GALNT13: variants seen among roughly 807,000 people sequenced by gnomAD.
The protein encoded by GALNT13 is UDP-GalNAc:polypeptide N-acetylgalactosaminyltransferase 13.
In GALNT13, 28 loss-of-function variants were observed where a neutral mutation model predicts 64.2. The ratio of observed to expected loss-of-function variants is 0.44; its 90% CI spans 0.32 to 0.60. The LOEUF (loss-of-function observed/expected upper bound fraction) is 0.60. Ranked by LOEUF, GALNT13 falls within the 20% of genes least tolerant of loss-of-function variation. The pLI is 0.05. For missense variants in GALNT13, 577 were observed against 669.8 expected, an observed-to-expected ratio of 0.86 and a Z score of 1.53; for synonymous variants, 214 against 224.6, an observed-to-expected ratio of 0.95 and a Z score of 0.42.
At chr2:154,062,560 A>G (rs1700243053) in intron 3 of GALNT13, among the ~76,000 whole-genome samples, 1 of 152,096 alleles carries the variant, frequency 6.6e-6, no homozygotes, top group Admixed American at 6.6e-5. Flanking sequence ...AATACCTCTC[A>G]CCATGCAGGA....
At chr2:154,003,399 G>T (rs1474621430) in intron 3 of GALNT13, among the ~76,000 whole-genome samples, 1 of 152,146 alleles carries the variant, frequency 6.6e-6, no homozygotes, top group Non-Finnish European at 1.5e-5. Flanking sequence ...GCGTTTACCA[G>T]CTGTGGCTTC....
At chr2:154,269,406 A>T (rs181161442) in intron 8 of GALNT13, among the ~76,000 whole-genome samples, 9 of 151,232 alleles carry the variant, frequency 6.0e-5, no homozygotes, top group African/African-American at 2.2e-4. Flanking sequence ...AAAGTAGGTT[A>T]TTTGTCAGTG....
At chr2:153,322,483 A>G in the GALNT13 span, among the ~76,000 whole-genome samples, 1 of 151,972 alleles carries the variant, frequency 6.6e-6, no homozygotes, top group Admixed American at 6.6e-5. Flanking sequence ...ATGTGAGTAC[A>G]TGTTTCTTAT....
At chr2:153,327,441 G>C in the GALNT13 span, among the ~76,000 whole-genome samples, 1 of 152,078 alleles carries the variant, frequency 6.6e-6, no homozygotes, top group Non-Finnish European at 1.5e-5. Context: ...GTGAAACGTA[G>C]GTTTGGTCTT....
chr2:153,123,648 T>C, the GALNT13 span, among the ~76,000 whole-genome samples: 1 of 152,222 alleles, frequency 6.6e-6, no homozygotes, highest in Non-Finnish European at 1.5e-5. Context: ...GGAAGCAAGC[T>C]AACTACATAG....
At chr2:154,019,684 ATTTTTTGTT>A (rs1308174111) in intron 3 of GALNT13, among the ~76,000 whole-genome samples, 11 of 117,986 alleles carry the variant, frequency 9.3e-5, no homozygotes, top group Admixed American at 1.5e-4. Context: ...TGTTTAAATG[ATTTTTTGTT>A]TTTTTTGTTT....
At chr2:154,315,372 C>T (rs1694264637) in intron 9 of GALNT13, among the ~76,000 whole-genome samples, 1 of 152,094 alleles carries the variant, frequency 6.6e-6, no homozygotes, top group Admixed American at 6.6e-5. Flanking sequence ...TGGATCCAAG[C>T]TGGGATGAAA....
chr2:153,368,379 C>T, the GALNT13 span, among the ~76,000 whole-genome samples: 1 of 152,080 alleles, frequency 6.6e-6, no homozygotes, highest in Non-Finnish European at 1.5e-5. Flanking sequence ...GAGCCCTCAC[C>T]AGAACCCAAC....
intron 9 of GALNT13, among the ~76,000 whole-genome samples, chr2:154,377,811 C>T (rs1286839730): frequency 1.3e-5 from 2 of 151,936 alleles, no homozygotes; most frequent in Non-Finnish European, 2.9e-5. Context: ...ATGATAGTAG[C>T]TGAGGAAATT....
the GALNT13 span, among the ~76,000 whole-genome samples, chr2:153,184,726 C>A: frequency 1.3e-5 from 2 of 152,058 alleles, no homozygotes; most frequent in Admixed American, 6.6e-5. Context: ...TTGAGATAAT[C>A]ATGTGGTTTT....
At chr2:154,354,939 T>TCA (rs34183808) in intron 9 of GALNT13, among the ~76,000 whole-genome samples, 3 of 152,096 alleles carry the variant, frequency 2.0e-5, no homozygotes, top group East Asian at 3.9e-4. Flanking sequence ...TCTCTGACAC[T>TCA]AACTTTCTAC....
At chr2:154,455,274 G>A (rs1702016962), downstream of GALNT13, among the ~76,000 whole-genome samples, 1 of 152,114 alleles carries the variant, frequency 6.6e-6, no homozygotes, top group Non-Finnish European at 1.5e-5. Flanking sequence ...GATCGTATCT[G>A]CTCACAACCA....
the GALNT13 span, among the ~76,000 whole-genome samples, chr2:153,719,537 C>A: frequency 1.0e-3 from 152 of 152,290 alleles, 2 homozygotes; most frequent in Non-Finnish European, 3.7e-4. Flanking sequence ...TTCTGCATTT[C>A]CATCTGAGGT....
the GALNT13 span, among the ~76,000 whole-genome samples, chr2:153,247,907 A>G: frequency 1.3e-5 from 2 of 152,214 alleles, no homozygotes; most frequent in Non-Finnish European, 2.9e-5. Flanking sequence ...AGAAATACAA[A>G]CTACCATCAG....
rs2105403707 is a variant in GALNT13 at position 154,077,030 on chromosome 2, G to A, written c.143-63307G>A. On this transcript the variant is annotated intron_variant, in intron 3 of 12. Coordinates refer to ENST00000392825, the MANE Select transcript of GALNT13 (RefSeq NM_052917.4). ...TTTGAAGTAACAAATATTTCTAAAGGAGGCCAAATAATAGTTGTAAAGTTT... is the reference window on the plus strand; with the variant it reads ...TTTGAAGTAACAAATATTTCTAAAGAAGGCCAAATAATAGTTGTAAAGTTT... Among the ~76,000 whole-genome samples the A allele has an allele frequency of 1.3e-5, 2 of 151,690 alleles. 1 individual carries two copies. The highest frequency in any genetic ancestry group is 4.2e-4 in the South Asian group (2 of 4,814).
At chr2:154,178,006 G>A (rs991146224) in intron 4 of GALNT13, among the ~76,000 whole-genome samples, 2 of 152,074 alleles carry the variant, frequency 1.3e-5, no homozygotes, top group African/African-American at 4.8e-5. Context: ...GAGCAGAATT[G>A]GTATTAATTC....
At position 154,086,787 on chromosome 2, in the gene GALNT13, C is replaced by T. The variant is rs929756125; in HGVS notation, c.143-53550C>T. ...GCATACGCGCACACACACACACACG[C>T]GCACGCGATAGGATCCAGATTGATG... On this transcript the variant is annotated intron_variant, in intron 3 of 12. Coordinates refer to ENST00000392825, the MANE Select transcript of GALNT13 (RefSeq NM_052917.4). Among the ~76,000 whole-genome samples the T allele has an allele frequency of 5.3e-5, 8 of 152,142 alleles. No individual in the cohort carries two copies. The South Asian group carries it at 6.2e-4, about 12-fold the overall frequency.
chr2:154,437,852 T>TAAA (rs10714112), intron 11 of GALNT13: 2 of 116,784 alleles, frequency 1.7e-5, no homozygotes, highest in Admixed American at 8.7e-5. Flanking sequence ...AGACTCCATC[T>TAAA]AAAAAAAAAA....
At chr2:153,193,775 T>C in the GALNT13 span, among the ~76,000 whole-genome samples, 3 of 152,218 alleles carry the variant, frequency 2.0e-5, no homozygotes, top group Admixed American at 6.5e-5. Flanking sequence ...GCATTTCTCA[T>C]AGGGCTGGTT....
Sources: allele counts gnomAD v4.1 joint callset (sites outside exome capture counted in the v4.1 genomes callset), GRCh38; gene constraint gnomAD v4.1.1; transcripts MANE v1.5; gene names NCBI Gene and HGNC (gene_info 2026-07-23, HGNC 2026-07-21).